The following SLC2A9 variants were observed in gnomAD, a reference collection of about 807,000 sequenced individuals.
SLC2A9 encodes solute carrier family 2, facilitated glucose transporter member 9.
Under a neutral mutation model 50.6 loss-of-function variants are expected in SLC2A9, and 39 were observed. The ratio of observed to expected loss-of-function variants is 0.77; its 90% confidence interval spans 0.60 to 1.01. The LOEUF is 1.01. Ranked by LOEUF, SLC2A9 falls within the 50% of genes least tolerant of loss-of-function variation. The pLI is 0.00. For synonymous variants in SLC2A9, 324 were observed against 276.9 expected, an observed-to-expected ratio of 1.17 and a Z score of -1.69; for missense variants, 686 against 677.6, an observed-to-expected ratio of 1.01 and a Z score of -0.14.
intron 10 of SLC2A9, among the ~76,000 whole-genome samples, chr4:9,849,380 T>A (rs902030786): frequency 6.6e-6 from 1 of 152,220 alleles, no homozygotes; most frequent in Non-Finnish European, 1.5e-5. Context: ...CTCAGCATTG[T>A]TAACAACCAT....
intron 10 of SLC2A9, 44 bp downstream of exon 10, chr4:9,887,523 C>T (rs2109740505): frequency 6.6e-7 from 1 of 1,526,502 alleles, no homozygotes; most frequent in Non-Finnish European, 8.8e-7. Context: ...TTGGTGATGC[C>T]ATGAGTCCCT....
At chr4:9,889,407 C>T (rs938562) in intron 9 of SLC2A9, among the ~76,000 whole-genome samples, 36,231 of 152,158 alleles carry the variant, frequency 0.24, 4,690 homozygotes, top group Admixed American at 0.36. Flanking sequence ...TTTTAAACTT[C>T]GGACACAAGT....
At chr4:9,786,427 C>T (rs1719225884) in intron 3 of SLC2A9, among the ~76,000 whole-genome samples, 1 of 152,186 alleles carries the variant, frequency 6.6e-6, no homozygotes, top group Admixed American at 6.5e-5. Flanking sequence ...TGCACTAGTG[C>T]ACAGATCAGG....
At chr4:9,970,703 A>G (rs972227846) in intron 5 of SLC2A9, among the ~76,000 whole-genome samples, 1 of 152,292 alleles carries the variant, frequency 6.6e-6, no homozygotes, top group African/African-American at 2.4e-5. Context: ...GCAGGTTACA[A>G]TGAGGGAAGA....
At chr4:9,881,576 C>T (rs1735218250) in intron 10 of SLC2A9, among the ~76,000 whole-genome samples, 1 of 152,220 alleles carries the variant, frequency 6.6e-6, no homozygotes, top group African/African-American at 2.4e-5. Flanking sequence ...TTTCAGGCCA[C>T]ATGTGGTCCC....
chr4:9,957,919 G>T (rs1435625681), intron 5 of SLC2A9, among the ~76,000 whole-genome samples: 1 of 152,082 alleles, frequency 6.6e-6, no homozygotes, highest in African/African-American at 2.4e-5. Context: ...AGAATGAAAG[G>T]AAATGAGTAT....
At chr4:9,942,097 G>A (rs1214855206) in intron 5 of SLC2A9, 52 bp from the exon 6 acceptor site, 5 of 1,611,558 alleles carry the variant, frequency 3.1e-6, no homozygotes, top group Non-Finnish European at 4.2e-6. Context: ...TCATTGTTGA[G>A]GGGACTGGGC....
chr4:10,033,616 C>T (rs1197140017), intron 1 of SLC2A9, among the ~76,000 whole-genome samples: 3 of 152,202 alleles, frequency 2.0e-5, no homozygotes, highest in Non-Finnish European at 2.9e-5. Context: ...AAGCCTTGGT[C>T]CATGTCTAAG....
intron 10 of SLC2A9, among the ~76,000 whole-genome samples, chr4:9,876,273 C>A (rs1383512295): frequency 6.6e-6 from 1 of 152,204 alleles, no homozygotes; most frequent in Non-Finnish European, 1.5e-5. Context: ...CCTATCCCTA[C>A]CCACAGGGCT....
At chr4:9,782,945 G>T in intron 3 of SLC2A9, 1 of 1,613,876 alleles carries the variant, frequency 6.2e-7, no homozygotes, top group Non-Finnish European at 8.5e-7. Context: ...GGGGGTCTTC[G>T]TGTGTTGCTG....
downstream of SLC2A9, among the ~76,000 whole-genome samples, chr4:9,825,836 G>A (rs1725046797): frequency 6.6e-6 from 1 of 152,154 alleles, no homozygotes; most frequent in Non-Finnish European, 1.5e-5. Flanking sequence ...TCAAATATTG[G>A]AAACAGGCAT....
chr4:9,943,365 G>A (rs186419953), intron 5 of SLC2A9, among the ~76,000 whole-genome samples: 20 of 152,294 alleles, frequency 1.3e-4, no homozygotes, highest in East Asian at 3.9e-4. Context: ...CTCTGGTTCC[G>A]CCAGCCAGCA....
intron 7 of SLC2A9, 52 bp downstream of exon 7, chr4:9,920,333 C>A: frequency 1.2e-6 from 2 of 1,603,664 alleles, no homozygotes; most frequent in South Asian, 2.2e-5. Flanking sequence ...AACCTCCCCA[C>A]CCTCTGATCC....
intron 7 of SLC2A9, among the ~76,000 whole-genome samples, chr4:9,911,302 T>G (rs1022740977): frequency 1.3e-5 from 2 of 151,958 alleles, no homozygotes; most frequent in African/African-American, 4.8e-5. Context: ...GACCTGTACA[T>G]CACACACACT....
At chr4:9,784,845 A>G (rs1719015721) in intron 3 of SLC2A9, among the ~76,000 whole-genome samples, 1 of 152,192 alleles carries the variant, frequency 6.6e-6, no homozygotes, top group Admixed American at 6.5e-5. Flanking sequence ...AGGACAGTTC[A>G]ATCAATTTTG....
chr4:10,038,660 T>C (rs2109601077), intron 1 of SLC2A9, among the ~76,000 whole-genome samples: 1 of 152,260 alleles, frequency 6.6e-6, no homozygotes, highest in South Asian at 2.1e-4. Flanking sequence ...AAGAACTAAA[T>C]GCAATGGACA....
intron 6 of SLC2A9, among the ~76,000 whole-genome samples, chr4:9,924,983 C>A (rs1284311865): frequency 6.6e-6 from 1 of 152,208 alleles, no homozygotes; most frequent in African/African-American, 2.4e-5. Context: ...CTCTTCTGCA[C>A]ACAAATCTGT....
chr4:9,879,003 G>T, intron 10 of SLC2A9: 1 of 978,446 alleles, frequency 1.0e-6, no homozygotes, highest in Non-Finnish European at 1.2e-6. Context: ...AACTTAATGA[G>T]TATGTTTTGA....
intron 5 of SLC2A9, among the ~76,000 whole-genome samples, chr4:9,962,271 A>T (rs4588456): frequency 0.48 from 73,525 of 152,128 alleles, 19,132 homozygotes; most frequent in African/African-American, 0.67. Context: ...TGCATGTGTA[A>T]GTTCATTACA....
Sources: allele counts gnomAD v4.1 joint callset (sites outside exome capture counted in the v4.1 genomes callset), GRCh38; gene constraint gnomAD v4.1.1; transcripts MANE v1.5; gene names NCBI Gene and HGNC (gene_info 2026-07-23, HGNC 2026-07-21).